Variants in SPIRE1 observed in about 807,000 individuals in gnomAD.
SPIRE1 encodes the protein spire type actin nucleation factor 1.
In SPIRE1, 40 loss-of-function variants were observed where a neutral mutation model predicts 94.1. The observed-to-expected ratio is 0.43, with a 90% CI of 0.33 to 0.55. SPIRE1 has a LOEUF of 0.55. SPIRE1 is among the 20% of genes least tolerant of loss of function. SPIRE1 has a pLI of 0.06. For missense variants in SPIRE1, 838 were observed against 975.2 expected, an observed-to-expected ratio of 0.86 and a Z score of 1.87; for synonymous variants, 376 against 371.7, an observed-to-expected ratio of 1.01 and a Z score of -0.13.
Position 12,546,674 on chromosome 18 carries a change from C to T in SPIRE1, c.603G>A (p.Lys201=). The T allele has an allele frequency of 1.2e-6, 2 of 1,608,792 alleles. No individual in the cohort carries two copies. Among genetic ancestry groups the T allele is most frequent in the South Asian group, 2.2e-5 (2 of 90,928 alleles). Reference sequence around the variant, plus strand: ...AGTACTGCATAAAACGCTGCCTTACCTTCATGACATCTCTATATGACCGAA... The same window carrying T: ...AGTACTGCATAAAACGCTGCCTTACTTTCATGACATCTCTATATGACCGAA... ...SAIRSYRDVM[K]LCAAHLPTES... Residue 201 remains lysine (K), a splice_region_variant and synonymous_variant, in exon 3 of 17, where the codon AAG becomes AAA. Coordinates refer to ENST00000409402, the MANE Select transcript of SPIRE1 (RefSeq NM_001128626.2).
At chr18:12,552,027 T>G (rs2035365634) in intron 2 of SPIRE1, among the ~76,000 whole-genome samples, 2 of 152,212 alleles carry the variant, frequency 1.3e-5, no homozygotes, top group South Asian at 4.1e-4. Flanking sequence ...AGTGCTGTCC[T>G]GTCACAGGGG....
chr18:12,600,059 G>A (rs1297323922), intron 2 of SPIRE1, among the ~76,000 whole-genome samples: 1 of 145,818 alleles, frequency 6.9e-6, no homozygotes, highest in African/African-American at 2.5e-5. Context: ...ACTGCAGATA[G>A]ATAGTCTCTA....
intron 9 of SPIRE1, among the ~76,000 whole-genome samples, chr18:12,484,523 C>A (rs955304966): frequency 3.9e-5 from 6 of 152,144 alleles, no homozygotes; most frequent in Non-Finnish European, 8.8e-5. Context: ...AGCTTTGTAG[C>A]TGGAAGATAC....
At chr18:12,530,340 G>T (rs1223881160) in intron 4 of SPIRE1, among the ~76,000 whole-genome samples, 1 of 152,082 alleles carries the variant, frequency 6.6e-6, no homozygotes. Context: ...AAGACTAGAC[G>T]GAAGCTTAAC....
chr18:12,458,935 A>G lies in SPIRE1; in HGVS notation c.1638+4416T>C, dbSNP rs1034738318. Among the ~76,000 whole-genome samples the G allele has an allele frequency of 3.8e-4, 58 of 152,224 alleles. 1 individual carries two copies. The highest frequency in any genetic ancestry group is 1.2e-4 in the Non-Finnish European group (8 of 68,038). On this transcript the variant is annotated intron_variant, in intron 12 of 16. Coordinates refer to ENST00000409402, the MANE Select transcript of SPIRE1 (RefSeq NM_001128626.2). Reference sequence around the variant, plus strand: ...TCAAGATGACTAAGAAAGAGTAACAAAGAAACCAGCTGCGGGGTCATCTGT... The same window carrying G: ...TCAAGATGACTAAGAAAGAGTAACAGAGAAACCAGCTGCGGGGTCATCTGT...
At chr18:12,459,086 A>C (rs1448965973) in intron 12 of SPIRE1, among the ~76,000 whole-genome samples, 1 of 152,252 alleles carries the variant, frequency 6.6e-6, no homozygotes, top group Non-Finnish European at 1.5e-5. Context: ...AGAGCTTTTT[A>C]TTTCACGTAG....
At chr18:12,541,833 T>A (rs2144248197) in intron 3 of SPIRE1, among the ~76,000 whole-genome samples, 1 of 147,300 alleles carries the variant, frequency 6.8e-6, no homozygotes, top group South Asian at 2.3e-4. Flanking sequence ...GTATGTAGTT[T>A]TAAATTTTCT....
At chr18:12,450,374 G>T (rs2031173890) in intron 16 of SPIRE1, 1 of 352,940 alleles carries the variant, frequency 2.8e-6, no homozygotes, top group Admixed American at 3.8e-5. Flanking sequence ...AACAAAAAAA[G>T]AAAAGGAAAG....
At chr18:12,622,655 C>T (rs1402667614) in intron 2 of SPIRE1, among the ~76,000 whole-genome samples, 1 of 151,326 alleles carries the variant, frequency 6.6e-6, no homozygotes, top group Non-Finnish European at 1.5e-5. Flanking sequence ...ATCTCCTGAC[C>T]TCGTGATCCG....
chr18:12,560,617 A>C (rs1047160066), intron 2 of SPIRE1, among the ~76,000 whole-genome samples: 1 of 152,186 alleles, frequency 6.6e-6, no homozygotes, highest in African/African-American at 2.4e-5. Context: ...TTGGCATGCC[A>C]AGGCGGGCGG....
chr18:12,635,091 A>G lies in SPIRE1; in HGVS notation c.343T>C (p.Leu115=). 7.1e-7 allele frequency: 1 copy of G among 1,407,532 alleles called. No individual in the cohort carries two copies. Among genetic ancestry groups the G allele is most frequent in the Non-Finnish European group, 9.7e-7 (1 of 1,026,300 alleles). 87.2% of individuals were successfully genotyped at this position (1,407,532 alleles called of 1,614,324 possible). ...GTTTCCATACATTGTGAATATCCCA[A>G]TTTACCTGTAATAAAAATGAAAAGG... The part of the protein sequence containing the change: ...AGEPPPVAGK[L]GYSQCMETEV... The change falls in exon 2 of 17, where the codon TTG becomes CTG. Residue 115 remains leucine, a synonymous_variant. Transcript: ENST00000409402.
chr18:12,501,049 GCAA>G (rs1044492343), intron 6 of SPIRE1, among the ~76,000 whole-genome samples: 1 of 129,158 alleles, frequency 7.7e-6, no homozygotes, highest in Non-Finnish European at 1.5e-5. Context: ...TCCATCCGGG[GCAA>G]CAACAGTGAA....
intron 12 of SPIRE1, 23 bp downstream of exon 12, chr18:12,463,328 T>C (rs755898172): frequency 1.9e-6 from 3 of 1,585,594 alleles, no homozygotes; most frequent in Non-Finnish European, 2.6e-6. Flanking sequence ...CCTAAGTTAC[T>C]ACAAAGTCTT....
At chr18:12,615,841 C>G (rs1374383154) in intron 2 of SPIRE1, among the ~76,000 whole-genome samples, 1 of 152,120 alleles carries the variant, frequency 6.6e-6, no homozygotes, top group Admixed American at 6.5e-5. Context: ...GAGTCCTCTC[C>G]TTTCATTTCC....
At chr18:12,505,084 A>T (rs1240098339) in intron 6 of SPIRE1, among the ~76,000 whole-genome samples, 2 of 152,164 alleles carry the variant, frequency 1.3e-5, no homozygotes, top group Non-Finnish European at 2.9e-5. Flanking sequence ...GGTGATGAAA[A>T]GCCAGTGGAA....
At chr18:12,604,705 C>G (rs774128131) in intron 2 of SPIRE1, among the ~76,000 whole-genome samples, 24 of 152,078 alleles carry the variant, frequency 1.6e-4, no homozygotes, top group Non-Finnish European at 2.6e-4. Context: ...CCAAGTCTCA[C>G]TTAGTGAGGG....
At chr18:12,620,972 A>C (rs1178943081) in intron 2 of SPIRE1, among the ~76,000 whole-genome samples, 2 of 152,234 alleles carry the variant, frequency 1.3e-5, no homozygotes, top group Non-Finnish European at 2.9e-5. Context: ...ACCCAATTTT[A>C]AAATGGGCAA....
At position 12,449,341 on chromosome 18, in the gene SPIRE1, A is replaced by G. The variant is rs80199910; in HGVS notation, c.*297T>C. The stretch of plus-strand genomic sequence containing the variant: ...TTAGTCAGGAGATTATTCGAGGAAC[A>G]GTAAAGAACTGAACTAAGGAAGTAG... On this transcript the variant is annotated 3_prime_UTR_variant, in exon 17 of 17. Coordinates refer to ENST00000409402, the MANE Select transcript of SPIRE1 (RefSeq NM_001128626.2). 17 of 342,786 alleles carry G rather than the reference A, an allele frequency of 5.0e-5. No homozygotes were observed. In the East Asian group the frequency reaches 9.1e-4, roughly 18 times the overall value. 21.2% of individuals were successfully genotyped at this position (342,786 alleles called of 1,614,324 possible).
At chr18:12,597,185 C>T (rs2036698874) in intron 2 of SPIRE1, among the ~76,000 whole-genome samples, 1 of 150,880 alleles carries the variant, frequency 6.6e-6, no homozygotes, top group Non-Finnish European at 1.5e-5. Context: ...CACACACACA[C>T]ACACACACAC....
Sources: gnomAD v4.1 joint callset for allele counts (sites outside exome capture counted in the v4.1 genomes callset) on GRCh38, gnomAD v4.1.1 for gene constraint, MANE v1.5 for transcripts, NCBI Gene and HGNC (gene_info 2026-07-23, HGNC 2026-07-21) for gene names.